The following GRID2 variants were observed in gnomAD, a reference collection of about 807,000 sequenced individuals.
GRID2 encodes glutamate ionotropic receptor delta type subunit 2, also known as glutamate receptor ionotropic, delta-2.
In GRID2, 33 loss-of-function variants were observed where a neutral mutation model predicts 114.8. The observed-to-expected ratio is 0.29, with a 90% CI of 0.22 to 0.38. The LOEUF is 0.38. Among genes scored for constraint, GRID2 ranks in the 10% least tolerant of loss-of-function variants. The pLI, the probability that GRID2 is intolerant of heterozygous loss-of-function variation, is 1.00. For synonymous variants in GRID2, 505 were observed against 449.9 expected, an observed-to-expected ratio of 1.12 and a Z score of -1.55; for missense variants, 1,184 against 1,257.7, an observed-to-expected ratio of 0.94 and a Z score of 0.89.
intron 1 of GRID2, among the ~76,000 whole-genome samples, chr4:92,451,205 C>G (rs1400528490): frequency 8.6e-5 from 13 of 151,974 alleles, no homozygotes; most frequent in Non-Finnish European, 1.5e-5. Flanking sequence ...TACATTGGTT[C>G]TGAGTACAGT....
At chr4:92,463,414 T>C (rs2149089544) in intron 1 of GRID2, among the ~76,000 whole-genome samples, 1 of 152,164 alleles carries the variant, frequency 6.6e-6, no homozygotes, top group South Asian at 2.1e-4. Flanking sequence ...TTTATTATGA[T>C]AACAATTTAA....
At chr4:93,475,011 A>G (rs987020727) in intron 11 of GRID2, among the ~76,000 whole-genome samples, 3 of 152,012 alleles carry the variant, frequency 2.0e-5, no homozygotes, top group African/African-American at 4.8e-5. Flanking sequence ...TTGTTTTGCA[A>G]CTTCACCCTG....
intron 2 of GRID2, among the ~76,000 whole-genome samples, chr4:93,003,658 G>A (rs543678080): frequency 6.6e-6 from 1 of 152,084 alleles, no homozygotes; most frequent in East Asian, 1.9e-4. Context: ...GCTGGTGTCA[G>A]GGTACCTTGA....
At chr4:92,740,702 AG>A (rs1560565450) in intron 2 of GRID2, among the ~76,000 whole-genome samples, 11 of 72,324 alleles carry the variant, frequency 1.5e-4, no homozygotes, top group African/African-American at 4.4e-4. Flanking sequence ...ATAGATAGAT[AG>A]ATAGATAGAT....
intron 2 of GRID2, among the ~76,000 whole-genome samples, chr4:92,798,807 G>A (rs1285787228): frequency 6.6e-6 from 1 of 151,878 alleles, no homozygotes; most frequent in African/African-American, 2.4e-5. Flanking sequence ...TTTATAATTA[G>A]GGTACAGAGT....
At chr4:93,300,065 G>A (rs2149165502) in intron 8 of GRID2, among the ~76,000 whole-genome samples, 1 of 152,138 alleles carries the variant, frequency 6.6e-6, no homozygotes, top group South Asian at 2.1e-4. Flanking sequence ...TATGTAAATA[G>A]TTGCTATACA....
chr4:92,865,412 G>A lies in GRID2; in HGVS notation c.245-219583G>A, dbSNP rs538580686. On this transcript the variant is annotated intron_variant, in intron 2 of 15. Transcript: ENST00000282020. ...AAATGGCACAAATAGTTGGACAAAA[G>A]GAAATATTCAGAAGGATGAAGGAAA... Among the ~76,000 whole-genome samples, 8 of 152,214 alleles carry A rather than the reference G, an allele frequency of 5.3e-5. No homozygotes were observed. The East Asian group carries it at 1.5e-3, about 29-fold the overall frequency.
At chr4:93,202,421 A>T (rs1742207509) in intron 4 of GRID2, among the ~76,000 whole-genome samples, 1 of 152,186 alleles carries the variant, frequency 6.6e-6, no homozygotes, top group Non-Finnish European at 1.5e-5. Flanking sequence ...AAATTTCTTA[A>T]TTCCTTTCAT....
At chr4:93,742,902 CAT>C (rs993063092) in intron 14 of GRID2, among the ~76,000 whole-genome samples, 54 of 152,302 alleles carry the variant, frequency 3.5e-4, no homozygotes, top group East Asian at 1.9e-4. Flanking sequence ...CATTTGAACA[CAT>C]GTCTCTCTCT....
chr4:92,576,006 C>A (rs567882878), intron 1 of GRID2, among the ~76,000 whole-genome samples: 1 of 152,330 alleles, frequency 6.6e-6, no homozygotes, highest in African/African-American at 2.4e-5. Context: ...GCTAAGGAAC[C>A]GCCTCTGCCC....
At chr4:93,152,948 G>C (rs1300982630) in intron 4 of GRID2, among the ~76,000 whole-genome samples, 1 of 152,032 alleles carries the variant, frequency 6.6e-6, no homozygotes, top group African/African-American at 2.4e-5. Flanking sequence ...GTGTTTACTT[G>C]GAGGAAGACC....
intron 4 of GRID2, among the ~76,000 whole-genome samples, chr4:93,130,826 T>C (rs1405221934): frequency 6.6e-6 from 1 of 152,200 alleles, no homozygotes; most frequent in Admixed American, 6.5e-5. Flanking sequence ...ATTCTGGAGA[T>C]TGATGATTGC....
chr4:92,588,678 C>CAAAAAAAAAAAAA, intron 1 of GRID2, among the ~76,000 whole-genome samples: 1 of 70,340 alleles, frequency 1.4e-5, no homozygotes, highest in Non-Finnish European at 2.7e-5. Flanking sequence ...GACTCCGTCT[C>CAAAAAAAAAAAAA]AAAAAAAAAA....
At chr4:92,349,959 A>G (rs1484563488) in intron 1 of GRID2, among the ~76,000 whole-genome samples, 1 of 151,926 alleles carries the variant, frequency 6.6e-6, no homozygotes, top group African/African-American at 2.4e-5. Flanking sequence ...TCTCTCTGAA[A>G]AAGTAGCATT....
intron 1 of GRID2, among the ~76,000 whole-genome samples, chr4:92,347,746 TAAG>T (rs1727844102): frequency 6.6e-6 from 1 of 152,126 alleles, no homozygotes; most frequent in Non-Finnish European, 1.5e-5. Context: ...TTGTTATAAA[TAAG>T]AGGCTTAGCT....
At chr4:93,265,467 T>G (rs776538177) in intron 8 of GRID2, among the ~76,000 whole-genome samples, 3 of 152,182 alleles carry the variant, frequency 2.0e-5, no homozygotes, top group Non-Finnish European at 4.4e-5. Flanking sequence ...AGGTCATTGC[T>G]GGGTTCTTGG....
chr4:93,207,223 A>G (rs1288571171), intron 4 of GRID2, among the ~76,000 whole-genome samples, 181 bp from the exon 5 acceptor site: 1 of 152,088 alleles, frequency 6.6e-6, no homozygotes, highest in African/African-American at 2.4e-5. Context: ...GTGCATCTAT[A>G]TGTATGTCAA....
chr4:92,682,782 G>A (rs1733712418), intron 2 of GRID2, among the ~76,000 whole-genome samples: 1 of 151,604 alleles, frequency 6.6e-6, no homozygotes, highest in African/African-American at 2.4e-5. Flanking sequence ...ATGAAAACTT[G>A]GAAGGCACCT....
At chr4:92,688,037 C>CCTTTTTTTTTTTTTTT (rs1553916864) in intron 2 of GRID2, among the ~76,000 whole-genome samples, 1,126 of 44,616 alleles carry the variant, frequency 0.025, 125 homozygotes, top group East Asian at 0.05. Context: ...CCTTCTTCTT[C>CCTTTTTTTTTTTTTTT]TTTTTTTTTT....
Sources: allele counts gnomAD v4.1 joint callset (sites outside exome capture counted in the v4.1 genomes callset), GRCh38; gene constraint gnomAD v4.1.1; transcripts MANE v1.5; gene names NCBI Gene and HGNC (gene_info 2026-07-23, HGNC 2026-07-21).